Variants in SPEF2 observed in about 807,000 individuals in gnomAD.
SPEF2 encodes sperm flagellar and cilia associated 2, also known as sperm flagella and cilia-associated protein 2.
In SPEF2, 187 loss-of-function variants were observed where a neutral mutation model predicts 224.6. That is an observed-to-expected ratio of 0.83 (90% CI 0.74 to 0.94). The LOEUF is 0.94. Ranked by LOEUF, SPEF2 falls within the 40% of genes least tolerant of loss-of-function variation. The probability of loss-of-function intolerance (pLI) is 0.00; values close to 1 mark genes in which losing one functional copy is unlikely to be tolerated. For synonymous variants in SPEF2, 715 were observed against 707.3 expected, an observed-to-expected ratio of 1.01 and a Z score of -0.17; for missense variants, 2,170 against 2,135.6, an observed-to-expected ratio of 1.02 and a Z score of -0.32.
At chr5:35,688,299 T>C (rs1218119113) in intron 10 of SPEF2, among the ~76,000 whole-genome samples, 1 of 152,188 alleles carries the variant, frequency 6.6e-6, no homozygotes, top group Non-Finnish European at 1.5e-5. Context: ...ATGTGACTAA[T>C]AGTACTCATG....
At chr5:35,759,005 C>CAAA (rs57893412) in intron 24 of SPEF2, among the ~76,000 whole-genome samples, 1,897 of 50,390 alleles carry the variant, frequency 0.038, 298 homozygotes, top group African/African-American at 0.12. Flanking sequence ...GACTCTGTCT[C>CAAA]AAAAAAAAAA....
chr5:35,728,187 G>A lies in SPEF2; in HGVS notation c.3063+364G>A, dbSNP rs73086205. On this transcript the variant is annotated intron_variant, in intron 21 of 36. Coordinates refer to ENST00000356031, the MANE Select transcript of SPEF2 (RefSeq NM_024867.4). ...CATATTTTAATATCCCCATCACAAT[G>A]CTTTTAAGTGAAGTTTAACCTTTGA... Among the ~76,000 whole-genome samples, 310 of 152,260 alleles carry A rather than the reference G, an allele frequency of 2.0e-3. 2 individuals carry two copies. The highest frequency in any genetic ancestry group is 7.2e-3 in the African/African-American group (301 of 41,552).
intron 3 of SPEF2, among the ~76,000 whole-genome samples, chr5:35,642,536 T>G (rs931989015): frequency 6.6e-6 from 1 of 152,222 alleles, no homozygotes; most frequent in Non-Finnish European, 1.5e-5. Flanking sequence ...AGATTTTTAG[T>G]ACATCAGATT....
chr5:35,721,008 A>C (rs1743561784), intron 20 of SPEF2, among the ~76,000 whole-genome samples: 1 of 152,194 alleles, frequency 6.6e-6, no homozygotes, highest in South Asian at 2.1e-4. Context: ...AAGAAGCAAA[A>C]ACCTTTTATA....
chr5:35,685,227 AAC>A (rs1199951825), intron 10 of SPEF2, among the ~76,000 whole-genome samples: 5 of 152,188 alleles, frequency 3.3e-5, no homozygotes, highest in Non-Finnish European at 5.9e-5. Context: ...ATTTATGTAT[AAC>A]TACATTACAC....
At position 35,814,534 on chromosome 5, in the gene SPEF2, A is replaced by G. The variant is rs369930146; in HGVS notation, c.5450A>G (p.His1817Arg). The change falls in exon 37 of 37, where the codon CAT (histidine) becomes CGT (arginine). Residue 1817 changes from histidine (H) to arginine (R), a missense_variant. Transcript: ENST00000356031. ...GSDGERSPSR[H>R]TEEKK ...GATGGAGAGAGATCACCTTCAAGACATACAGAGGAAAAGAAATGAAGACAA... is the reference window on the plus strand; with the variant it reads ...GATGGAGAGAGATCACCTTCAAGACGTACAGAGGAAAAGAAATGAAGACAA... The G allele has an allele frequency of 1.2e-6, 2 of 1,605,300 alleles. No homozygotes were observed. Among genetic ancestry groups the G allele is most frequent in the African/African-American group, 1.3e-5 (1 of 74,648 alleles).
At chr5:35,729,425 T>A (rs536378229) in intron 21 of SPEF2, among the ~76,000 whole-genome samples, 1 of 152,308 alleles carries the variant, frequency 6.6e-6, no homozygotes, top group Non-Finnish European at 1.5e-5. Context: ...AGAAAAATAC[T>A]CTGGCCAAGA....
chr5:35,631,058 C>T (rs1460315400), intron 2 of SPEF2, among the ~76,000 whole-genome samples: 1 of 152,188 alleles, frequency 6.6e-6, no homozygotes, highest in African/African-American at 2.4e-5. Context: ...ATACCCAAGA[C>T]TGGGCAATTT....
intron 32 of SPEF2, among the ~76,000 whole-genome samples, chr5:35,794,963 C>A (rs975772734): frequency 6.6e-6 from 1 of 152,070 alleles, no homozygotes; most frequent in Non-Finnish European, 1.5e-5. Flanking sequence ...ACTTGACCAG[C>A]CTGCATGCCT....
At chr5:35,640,965 C>T (rs1326409960) in intron 2 of SPEF2, among the ~76,000 whole-genome samples, 1 of 152,050 alleles carries the variant, frequency 6.6e-6, no homozygotes, top group Non-Finnish European at 1.5e-5. Flanking sequence ...CAAAAACATG[C>T]TATATGATGT....
At position 35,792,414 on chromosome 5, in the gene SPEF2, C is replaced by T. The variant is rs774942213; in HGVS notation, c.4522C>T (p.Pro1508Ser). The T allele has an allele frequency of 3.1e-6, 5 of 1,613,784 alleles. No individual in the cohort carries two copies. The South Asian group carries it at 4.4e-5, about 14-fold the overall frequency. ...VTLNLGTNNF[P>S]SNWMHLTQPE... ...CCTGAACCTTGGCACAAACAACTTT[C>T]CTAGTAATTGGATGCACCTTACCCA... The change falls in exon 31 of 37, where the codon CCT (proline) becomes TCT (serine). Residue 1508 changes from proline (P) to serine (S), a missense_variant. Physicochemically the swap from Pro to Ser is moderately conservative, Grantham distance 74. Coordinates refer to ENST00000356031, the MANE Select transcript of SPEF2 (RefSeq NM_024867.4).
intron 19 of SPEF2, chr5:35,710,877 C>G: frequency 1.0e-6 from 1 of 985,100 alleles, no homozygotes; most frequent in South Asian, 4.7e-5. Flanking sequence ...CTTTTTTTCC[C>G]CACCAAGGTC....
chr5:35,659,923 G>T (rs1213031882), intron 8 of SPEF2, among the ~76,000 whole-genome samples: 3 of 151,614 alleles, frequency 2.0e-5, no homozygotes, highest in African/African-American at 7.3e-5. Context: ...GATTCCTCAG[G>T]CCCATATTAT....
In SPEF2 at chr5:35,689,226, C is replaced by T. The variant is rs138348899; in HGVS notation, c.1525-1811C>T. On this transcript the variant is annotated intron_variant, in intron 10 of 36. Coordinates refer to ENST00000356031, the MANE Select transcript of SPEF2 (RefSeq NM_024867.4). ...GATTTTATTTCATTTTATTCATTTGCACTATCTTAGAATATCATTTATTAC... is the reference window on the plus strand; with the variant it reads ...GATTTTATTTCATTTTATTCATTTGTACTATCTTAGAATATCATTTATTAC... Among the ~76,000 whole-genome samples the T allele has an allele frequency of 2.0e-5, 3 of 152,142 alleles. No individual in the cohort carries two copies. The East Asian group carries it at 5.8e-4, about 29-fold the overall frequency.
intron 3 of SPEF2, chr5:35,643,593 GGGACGGAAAGA>G (rs1746907810): frequency 2.2e-6 from 1 of 454,928 alleles, no homozygotes; most frequent in Non-Finnish European, 4.4e-6. Flanking sequence ...AGGCCCTCTG[GGGACGGAAAGA>G]GGAATATGCA....
chr5:35,772,136 G>T (rs1001131729), intron 27 of SPEF2, among the ~76,000 whole-genome samples: 8 of 152,216 alleles, frequency 5.3e-5, no homozygotes, highest in Admixed American at 1.3e-4. Context: ...TCAGGGGCAA[G>T]TCCTTTTCTC....
intron 21 of SPEF2, among the ~76,000 whole-genome samples, chr5:35,739,168 T>C (rs1747152913): frequency 1.3e-5 from 2 of 152,216 alleles, no homozygotes; most frequent in Non-Finnish European, 2.9e-5. Flanking sequence ...GTATTTTTCA[T>C]AAACTTTTTG....
intron 26 of SPEF2, among the ~76,000 whole-genome samples, chr5:35,764,075 T>A (rs1241007857): frequency 6.6e-6 from 1 of 152,066 alleles, no homozygotes; most frequent in Non-Finnish European, 1.5e-5. Context: ...AAAAATGAGG[T>A]CTGGCATGGC....
intron 10 of SPEF2, among the ~76,000 whole-genome samples, chr5:35,690,383 C>A (rs1272977626): frequency 6.6e-6 from 1 of 152,112 alleles, no homozygotes. Flanking sequence ...TTTAATAAAT[C>A]TGTTGTTTTA....
Sources: allele counts gnomAD v4.1 joint callset (sites outside exome capture counted in the v4.1 genomes callset), GRCh38; gene constraint gnomAD v4.1.1; transcripts MANE v1.5; gene names NCBI Gene and HGNC (gene_info 2026-07-23, HGNC 2026-07-21).